The following RAB8B variants were observed in gnomAD, a reference collection of about 807,000 sequenced individuals.
RAB8B encodes the protein ras-related protein Rab-8B.
Under a neutral mutation model 32.0 loss-of-function variants are expected in RAB8B, and 11 were observed. The observed-to-expected ratio is 0.34, with a 90% CI of 0.22 to 0.57. The LOEUF (loss-of-function observed/expected upper bound fraction) is 0.57. Ranked by LOEUF, RAB8B falls within the 20% of genes least tolerant of loss-of-function variation. The pLI, the probability that RAB8B is intolerant of heterozygous loss-of-function variation, is 0.86. For missense variants in RAB8B, 190 were observed against 258.5 expected (o/e 0.73, Z 1.82); for synonymous variants, 103 against 89.6 (o/e 1.15, Z -0.85).
Position 63,267,630 on chromosome 15 carries a change from G to C in RAB8B, c.*4011G>C, listed in dbSNP as rs1366150983. On this transcript the variant is annotated 3_prime_UTR_variant, in exon 8 of 8. Transcript: ENST00000321437. ...AAAGCTCCTGCAGATAAGTGGACCTGTCATGTGGTTAATCTTGTTTAAGCC... is the reference window on the plus strand; with the variant it reads ...AAAGCTCCTGCAGATAAGTGGACCTCTCATGTGGTTAATCTTGTTTAAGCC... The C allele has an allele frequency of 1.3e-5, 2 of 152,142 alleles. No homozygotes were observed. The highest frequency in any genetic ancestry group is 1.3e-4 in the Admixed American group (2 of 15,278). 9.4% of individuals were successfully genotyped at this position (152,142 alleles called of 1,614,324 possible). A position where few individuals can be genotyped will look rare whatever the true frequency, so the allele number is the denominator to read the frequency against.
At chr15:63,244,709 A>G in intron 1 of RAB8B, 47 bp from the exon 2 acceptor site, 1 of 1,438,474 alleles carries the variant, frequency 7.0e-7, no homozygotes, top group Non-Finnish European at 9.7e-7. Context: ...TGAGACTTGG[A>G]TTATATCTGA....
At chr15:63,262,634 T>C in intron 6 of RAB8B, 58 bp from the exon 7 acceptor site, 1 of 500,042 alleles carries the variant, frequency 2.0e-6, no homozygotes, top group South Asian at 4.9e-5. Context: ...TGTATATATA[T>C]ATATATACAT....
rs112296537 is a variant in RAB8B at position 63,200,526 on chromosome 15, G to A, written c.124+10778G>A. ...GGTGAGGCTAGGTGCAGTGGCTCACGCATGCAATCCCAGCACTTTGGGAGG... is the reference window on the plus strand; with the variant it reads ...GGTGAGGCTAGGTGCAGTGGCTCACACATGCAATCCCAGCACTTTGGGAGG... On this transcript the variant is annotated intron_variant, in intron 1 of 7. Transcript: ENST00000321437. 9.1e-4 allele frequency among the ~76,000 whole-genome samples: 138 copies of A among 152,134 alleles called. 1 individual carries two copies. Among genetic ancestry groups the A allele is most frequent in the Non-Finnish European group, 1.4e-3 (97 of 67,988 alleles).
At chr15:63,246,704 A>G (rs76080506) in intron 2 of RAB8B, among the ~76,000 whole-genome samples, 1,610 of 152,242 alleles carry the variant, frequency 0.011, 34 homozygotes, top group African/African-American at 0.037. Context: ...GATTGATTGC[A>G]TCGTGGGCCA....
intron 1 of RAB8B, among the ~76,000 whole-genome samples, chr15:63,210,857 C>T (rs1020366875): frequency 6.6e-6 from 1 of 152,118 alleles, no homozygotes; most frequent in African/African-American, 2.4e-5. Flanking sequence ...ATGTAATTGT[C>T]TTCTGAAGAG....
chr15:63,233,103 C>T lies in RAB8B; in HGVS notation c.125-11653C>T, dbSNP rs1211170017. Among the ~76,000 whole-genome samples the T allele has an allele frequency of 2.1e-5, 3 of 141,954 alleles. No homozygotes were observed. In the Admixed American group the frequency reaches 2.2e-4, roughly 11 times the overall value. 93.1% of individuals were successfully genotyped at this position (141,954 alleles called of 152,430 possible). A position where few individuals can be genotyped will look rare whatever the true frequency, so the allele number is the denominator to read the frequency against. ...AGAATAGTCTCATGGCATGCCAGGG[C>T]TGGGGAGTGGTGGCGCAATGATCAT... On this transcript the variant is annotated intron_variant, in intron 1 of 7. Transcript: ENST00000321437.
chr15:63,195,552 T>A (rs983086111), intron 1 of RAB8B, among the ~76,000 whole-genome samples: 4 of 152,222 alleles, frequency 2.6e-5, no homozygotes, highest in African/African-American at 9.6e-5. Flanking sequence ...TAAATAAGTC[T>A]AGTCTTTGAG....
At chr15:63,226,239 T>C (rs2037888143) in intron 1 of RAB8B, among the ~76,000 whole-genome samples, 1 of 152,250 alleles carries the variant, frequency 6.6e-6, no homozygotes, top group African/African-American at 2.4e-5. Context: ...AACCTTATTG[T>C]ATCTATCATG....
intron 2 of RAB8B, among the ~76,000 whole-genome samples, chr15:63,245,509 A>G (rs781239818): frequency 2.6e-5 from 4 of 152,132 alleles, no homozygotes; most frequent in Non-Finnish European, 5.9e-5. Flanking sequence ...GCAGATGCCA[A>G]TTGGGTGTCC....
chr15:63,261,021 C>G (rs566924286), intron 6 of RAB8B, among the ~76,000 whole-genome samples: 235 of 152,296 alleles, frequency 1.5e-3, no homozygotes, highest in African/African-American at 5.2e-3. Flanking sequence ...TTTACTTACA[C>G]AAGCTTAGAT....
chr15:63,236,418 CCTTTGG>C (rs2037980887), intron 1 of RAB8B, among the ~76,000 whole-genome samples: 1 of 152,056 alleles, frequency 6.6e-6, no homozygotes, highest in East Asian at 1.9e-4. Context: ...CATGGAAATA[CCTTTGG>C]AATCTTGCCT....
chr15:63,252,748 CTT>C (rs71447327), intron 3 of RAB8B, among the ~76,000 whole-genome samples: 22 of 138,768 alleles, frequency 1.6e-4, no homozygotes, highest in Admixed American at 2.2e-4. Context: ...TTTACTTTGA[CTT>C]TTTTTTTTTT....
rs145927472 is a variant in RAB8B at position 63,207,281 on chromosome 15, G to A, written c.124+17533G>A. ...TCTCATCATATCCCTAGCTCCTAGC[G>A]CAGTGCGGGGCACGTATAAGTGCTC... On this transcript the variant is annotated intron_variant, in intron 1 of 7. Coordinates refer to ENST00000321437, the MANE Select transcript of RAB8B (RefSeq NM_016530.3). Among the ~76,000 whole-genome samples, 454 of 152,194 alleles carry A rather than the reference G, an allele frequency of 3.0e-3. 3 individuals carry two copies. The highest frequency in any genetic ancestry group is 0.01 in the African/African-American group (431 of 41,520).
At chr15:63,216,227 A>T (rs984217315) in intron 1 of RAB8B, among the ~76,000 whole-genome samples, 2 of 104,680 alleles carry the variant, frequency 1.9e-5, no homozygotes, top group African/African-American at 7.0e-5. Flanking sequence ...TTAATTAATT[A>T]ATTATTATTT....
chr15:63,216,145 C>T (rs2037789355), intron 1 of RAB8B, among the ~76,000 whole-genome samples: 1 of 151,770 alleles, frequency 6.6e-6, no homozygotes, highest in Admixed American at 6.6e-5. Flanking sequence ...ATATTATCTA[C>T]TGTGATTTCT....
chr15:63,216,931 A>G (rs927725470), intron 1 of RAB8B, among the ~76,000 whole-genome samples: 1 of 151,936 alleles, frequency 6.6e-6, no homozygotes, highest in African/African-American at 2.4e-5. Flanking sequence ...GTATCAGTGC[A>G]GTAGTCTCTG....
intron 1 of RAB8B, chr15:63,223,045 A>C (rs771821515): frequency 8.8e-6 from 4 of 456,058 alleles, no homozygotes; most frequent in South Asian, 3.1e-5. Flanking sequence ...CCTTCAGAGC[A>C]ACTTCCAGTC....
intron 1 of RAB8B, among the ~76,000 whole-genome samples, chr15:63,231,984 T>C (rs1475222398): frequency 2.0e-5 from 3 of 152,370 alleles, no homozygotes; most frequent in South Asian, 2.1e-4. Context: ...AGACTTGTCA[T>C]GAAGTCTTTT....
rs527377684 is a variant in RAB8B at position 63,206,390 on chromosome 15, C to T, written c.124+16642C>T. Among the ~76,000 whole-genome samples, 6 of 152,152 alleles carry T rather than the reference C, an allele frequency of 3.9e-5. No individual in the cohort carries two copies. The Middle Eastern group carries it at 0.01, about 259-fold the overall frequency. On this transcript the variant is annotated intron_variant, in intron 1 of 7. Transcript: ENST00000321437. ...TTAAGTCCCAGCTGTTGGTGTCTCA[C>T]TGAAATCATAGCAGAAGACTCCCCT...
Sources: allele counts gnomAD v4.1 joint callset (sites outside exome capture counted in the v4.1 genomes callset), GRCh38; gene constraint gnomAD v4.1.1; transcripts MANE v1.5; gene names NCBI Gene and HGNC (gene_info 2026-07-23, HGNC 2026-07-21).